SH3TC1: variants seen among roughly 807,000 people sequenced by gnomAD.
SH3TC1 encodes SH3 domain and tetratricopeptide repeat-containing protein 1.
Under a neutral mutation model 117.3 loss-of-function variants are expected in SH3TC1, and 135 were observed. That is an observed-to-expected ratio of 1.15 (90% confidence interval 1.00 to 1.33). The LOEUF is 1.33. Ranked by LOEUF, SH3TC1 falls within the 40% of genes most tolerant of loss-of-function variation. The pLI is 0.00. For missense variants in SH3TC1, 2,092 were observed against 1,794.3 expected, an observed-to-expected ratio of 1.17 and a Z score of -3.00; for synonymous variants, 898 against 816.9, an observed-to-expected ratio of 1.10 and a Z score of -1.69.
At chr4:8,213,888 GA>G (rs57544974) in intron 4 of SH3TC1, among the ~76,000 whole-genome samples, 136,277 of 140,790 alleles carry the variant, frequency 0.97, 66,036 homozygotes, top group Middle Eastern at 1. Flanking sequence ...CTCATCTCTG[GA>G]AAAAAAAAAA....
Position 8,236,365 on chromosome 4 carries a change from C to G in SH3TC1, c.3493C>G (p.Leu1165Val). The change falls in exon 16 of 18, where the codon CTG (leucine) becomes GTG (valine). Residue 1165 changes from leucine to valine, a missense_variant. Leu to Val is a conservative substitution (Grantham distance 32). Coordinates refer to ENST00000245105, the MANE Select transcript of SH3TC1 (RefSeq NM_018986.5). ...CAAGCTGGTGGCACTGCTGGCCACGCTGGAGGAGCCCCAGGAGGGCTTGGA... is the reference window on the plus strand; with the variant it reads ...CAAGCTGGTGGCACTGCTGGCCACGGTGGAGGAGCCCCAGGAGGGCTTGGA... ...CNKLVALLAT[L>V]EEPQEGLEFA... 1.3e-6 allele frequency: 2 copies of G among 1,546,700 alleles called. No homozygotes were observed. Among genetic ancestry groups the G allele is most frequent in the Non-Finnish European group, 1.7e-6 (2 of 1,145,100 alleles).
Position 8,227,622 on chromosome 4 carries a change from C to A in SH3TC1, c.1928C>A (p.Ala643Glu). ...CCTGACCACATCTGCAGCACCGAGG[C>A]GGAGGGGGAGCTCCTGCAGCTGGCG... ...GTPDHICSTE[A>E]EGELLQLALR... Residue 643 changes from alanine to glutamate, a missense_variant, in exon 12 of 18, where the codon GCG (alanine) becomes GAG (glutamate). Transcript: ENST00000245105. The A allele has an allele frequency of 1.3e-6, 2 of 1,525,236 alleles. No individual in the cohort carries two copies. Among genetic ancestry groups the A allele is most frequent in the Non-Finnish European group, 1.8e-6 (2 of 1,139,686 alleles). 94.5% of individuals were successfully genotyped at this position (1,525,236 alleles called of 1,614,324 possible).
rs1719522860 is a variant in SH3TC1, at chr4:8,218,348, G to C, written c.916+1G>C. ...GTGATGCCCGGCAACCCGCTGATGG[G>C]TAAGTGTTTCCATGGGCCTCTCTTT... On this transcript the variant is annotated splice_donor_variant, in intron 8 of 17. Transcript: ENST00000245105. LOFTEE classifies it high-confidence loss of function. The C allele has an allele frequency of 2.5e-6, 4 of 1,607,638 alleles. No individual in the cohort carries two copies. Among genetic ancestry groups the C allele is most frequent in the Middle Eastern group, 1.7e-4 (1 of 6,048 alleles).
At chr4:8,212,584 C>A in intron 3 of SH3TC1, 117 bp from the exon 4 acceptor site, 2 of 1,433,398 alleles carry the variant, frequency 1.4e-6, no homozygotes, top group Non-Finnish European at 1.9e-6. Flanking sequence ...CAGGAGCTCA[C>A]TGCCCAGGCC....
At position 8,227,831 on chromosome 4, in the gene SH3TC1, C is replaced by T. The variant is rs1428567917; in HGVS notation, c.2137C>T (p.Leu713=). The T allele has an allele frequency of 1.2e-6, 2 of 1,612,828 alleles. No individual in the cohort carries two copies. Among genetic ancestry groups the T allele is most frequent in the Non-Finnish European group, 1.7e-6 (2 of 1,179,990 alleles). The part of the protein sequence containing the change: ...AAWLSDCYLL[L]ADIYSRKCLP... ...GTGGCTCTCAGACTGCTACCTACTC[C>T]TGGCTGACATCTACAGCCGCAAGTG... is the stretch of plus-strand genomic sequence containing the variant. Residue 713 remains leucine (L), a synonymous_variant, in exon 12 of 18, where the codon CTG becomes TTG. Transcript: ENST00000245105.
chr4:8,209,518 C>A lies in SH3TC1; in HGVS notation c.173-230C>A, dbSNP rs1718468837. 2.3e-6 allele frequency: 2 copies of A among 883,838 alleles called. No homozygotes were observed. The highest frequency in any genetic ancestry group is 3.5e-6 in the Non-Finnish European group (2 of 575,352). The allele number at this position is 883,838 out of a possible 1,614,324, so 54.7% of individuals were successfully genotyped here. On this transcript the variant is annotated intron_variant, in intron 2 of 17. Transcript: ENST00000245105. The surrounding 1 kb of genome is among the most constrained non-coding windows in gnomAD (Gnocchi z 5.9). ...GGCGGGATCATACGAGTCGTGTGGT[C>A]TTAAGCCTCTGAGTGTGGGGCAGCT...
In SH3TC1 at chr4:8,205,513, C is replaced by T. The variant is rs750979964; in HGVS notation, c.172+147C>T. On this transcript the variant is annotated intron_variant, in intron 2 of 17. Coordinates refer to ENST00000245105, the MANE Select transcript of SH3TC1 (RefSeq NM_018986.5). This position sits in a 1 kb window ranked among gnomAD's most constrained non-coding sequence, Gnocchi z 5.4. ...GTCTGCTCTCCATCACTTCTCGTTTCCTTCCCCCGCGTGTGTTTAACAGGA... is the reference window on the plus strand; with the variant it reads ...GTCTGCTCTCCATCACTTCTCGTTTTCTTCCCCCGCGTGTGTTTAACAGGA... 4 of 1,114,866 alleles carry T rather than the reference C, an allele frequency of 3.6e-6. No individual in the cohort carries two copies. The highest frequency in any genetic ancestry group is 5.4e-6 in the Non-Finnish European group (4 of 734,946). The allele number at this position is 1,114,866 out of a possible 1,614,324, so 69.1% of individuals were successfully genotyped here.
rs200437615 is a variant in SH3TC1 at position 8,233,569 on chromosome 4, ATCCG to A, written c.3282+60_3282+63del. The A allele has an allele frequency of 1.8e-3, 2,684 of 1,514,748 alleles. 37 individuals are homozygous for A. In the African/African-American group the frequency reaches 0.032, roughly 18 times the overall value. The allele number at this position is 1,514,748 out of a possible 1,614,324, so 93.8% of individuals were successfully genotyped here. On this transcript the variant is annotated intron_variant, in intron 14 of 17. Transcript: ENST00000245105. ...GCACATGTTCACTCTCCATCCATCCATCCGTCCATTGATGATGATGATAGATGAT... is the reference window on the plus strand; with the variant it reads ...GCACATGTTCACTCTCCATCCATCCATCCATTGATGATGATGATAGATGAT...
At position 8,240,973 on chromosome 4, in the gene SH3TC1, G is replaced by A. The variant is rs376873158; in HGVS notation, c.*18G>A. ...CTCGCTGAGGACAGCATCCAAGGGAGTGGGTTTTGTGCAAGGGCTGGGGGT... is the reference window on the plus strand; with the variant it reads ...CTCGCTGAGGACAGCATCCAAGGGAATGGGTTTTGTGCAAGGGCTGGGGGT... On this transcript the variant is annotated 3_prime_UTR_variant, in exon 18 of 18. Coordinates refer to ENST00000245105, the MANE Select transcript of SH3TC1 (RefSeq NM_018986.5). The A allele has an allele frequency of 3.9e-5, 62 of 1,603,520 alleles. No individual in the cohort carries two copies. The highest frequency in any genetic ancestry group is 6.7e-5 in the East Asian group (3 of 44,824).
chr4:8,199,093 G>C (rs1222227455), upstream of SH3TC1, among the ~76,000 whole-genome samples: 1 of 152,224 alleles, frequency 6.6e-6, no homozygotes, highest in East Asian at 1.9e-4. Context: ...CTGGGGGCTG[G>C]GCAGCGGGCA....
intron 14 of SH3TC1, among the ~76,000 whole-genome samples, chr4:8,234,525 G>GTCCA (rs745656261): frequency 6.2e-5 from 9 of 144,840 alleles, no homozygotes; most frequent in East Asian, 4.3e-4. Context: ...CCATCCGTCC[G>GTCCA]TCCATCCATC....
chr4:8,203,116 C>A (rs577835909), intron 1 of SH3TC1, among the ~76,000 whole-genome samples: 13 of 152,310 alleles, frequency 8.5e-5, no homozygotes, highest in African/African-American at 2.6e-4. Context: ...ACAGGAGCTG[C>A]CTCTTGGGGA....
intron 9 of SH3TC1, among the ~76,000 whole-genome samples, chr4:8,220,372 C>A (rs894427785): frequency 6.9e-6 from 1 of 144,958 alleles, no homozygotes; most frequent in African/African-American, 2.4e-5. Context: ...CTTCCATCAG[C>A]CCCCGTGGCT....
In SH3TC1 at chr4:8,232,031, C is replaced by A. The variant is rs140572756; in HGVS notation, c.3006C>A (p.Ser1002Arg). Residue 1002 changes from serine (S) to arginine (R), a missense_variant, in exon 13 of 18, where the codon AGC becomes AGA. Physicochemically the swap from Ser to Arg is moderately radical, Grantham distance 110. Coordinates refer to ENST00000245105, the MANE Select transcript of SH3TC1 (RefSeq NM_018986.5). ...ACTTCTACAGCGCCGTCATGCCCAGCGAGGCCCAGTGTGTCATCTACCATG... is the reference window on the plus strand; with the variant it reads ...ACTTCTACAGCGCCGTCATGCCCAGAGAGGCCCAGTGTGTCATCTACCATG... ...LCHFYSAVMP[S>R]EAQCVIYHEL... The A allele has an allele frequency of 6.2e-6, 10 of 1,613,030 alleles. No individual in the cohort carries two copies. The highest frequency in any genetic ancestry group is 1.6e-4 in the Middle Eastern group (1 of 6,084).
Position 8,222,917 on chromosome 4 carries a change from G to A in SH3TC1, c.1190G>A (p.Arg397Lys), listed in dbSNP as rs545764998. 830 of 1,613,424 alleles carry A rather than the reference G, an allele frequency of 5.1e-4. 17 individuals carry two copies. In the South Asian group the frequency reaches 8.7e-3, roughly 17 times the overall value. Residue 397 changes from arginine (R) to lysine (K), a missense_variant, in exon 10 of 18, where the codon AGG becomes AAG. Physicochemically the swap from Arg to Lys is conservative, Grantham distance 26. Transcript: ENST00000245105. ...SEGCFSEEDA[R>K]QLLRRMSGTD... ...GGCTGCTTTTCTGAGGAGGATGCCA[G>A]GCAGTTGCTGAGGCGGATGTCGGGC...
At chr4:8,201,354 G>A (rs1163052584) in intron 1 of SH3TC1, 1 of 152,336 alleles carries the variant, frequency 6.6e-6, no homozygotes, top group Non-Finnish European at 1.5e-5. Context: ...CAGACACCGG[G>A]GTTTGGCCCC....
rs543000598 is a variant in SH3TC1, at chr4:8,225,864, T to C, written c.1285+648T>C. 3.3e-5 allele frequency among the ~76,000 whole-genome samples: 5 copies of C among 152,012 alleles called. No homozygotes were observed. In the South Asian group the frequency reaches 1.0e-3, roughly 32 times the overall value. ...TGGAAGCCAGTGGGGAAGGGAAGGCTGTTGTAGGTTTTCCTGGGGGAGGGG... is the reference window on the plus strand; with the variant it reads ...TGGAAGCCAGTGGGGAAGGGAAGGCCGTTGTAGGTTTTCCTGGGGGAGGGG... On this transcript the variant is annotated intron_variant, in intron 11 of 17. Coordinates refer to ENST00000245105, the MANE Select transcript of SH3TC1 (RefSeq NM_018986.5). The surrounding 1 kb of genome is among the most constrained non-coding windows in gnomAD (Gnocchi z 5.5).
At chr4:8,235,689 T>C (rs1721748207) in intron 15 of SH3TC1, 134 bp downstream of exon 15, 3 of 1,263,652 alleles carry the variant, frequency 2.4e-6, no homozygotes, top group Admixed American at 5.2e-5. Context: ...TTCCTAGTGG[T>C]TTCACCGGGA....
rs1453381803 is a variant in SH3TC1, at chr4:8,225,536, G to A, written c.1285+320G>A. On this transcript the variant is annotated intron_variant, in intron 11 of 17. Coordinates refer to ENST00000245105, the MANE Select transcript of SH3TC1 (RefSeq NM_018986.5). The surrounding 1 kb of genome is among the most constrained non-coding windows in gnomAD (Gnocchi z 5.5). ...TCCTTTCTCATGACCTGGAGAAGCT[G>A]CAGCTTGCCCTCTGCTCTGCCTCAG... Among the ~76,000 whole-genome samples the A allele has an allele frequency of 6.6e-6, 1 of 152,168 alleles. No homozygotes were observed. Among genetic ancestry groups the A allele is most frequent in the African/African-American group, 2.4e-5 (1 of 41,436 alleles).
Sources: gnomAD v4.1 joint callset for allele counts (sites outside exome capture counted in the v4.1 genomes callset) on GRCh38, gnomAD v4.1.1 for gene constraint, Gnocchi (gnomAD v3.1) non-coding constraint, MANE v1.5 for transcripts, NCBI Gene and HGNC (gene_info 2026-07-23, HGNC 2026-07-21) for gene names.